The following TRIM44 variants were observed in gnomAD, a reference collection of about 807,000 sequenced individuals.
TRIM44 encodes the protein tripartite motif-containing protein 44.
A neutral mutation model predicts 37.4 loss-of-function variants in TRIM44; 13 were observed. The observed-to-expected ratio is 0.35, with a 90% CI of 0.23 to 0.55. TRIM44 has a LOEUF of 0.55. Ranked by LOEUF, TRIM44 falls within the 20% of genes least tolerant of loss-of-function variation. The probability of loss-of-function intolerance (pLI) is 0.89; values close to 1 mark genes in which losing one functional copy is unlikely to be tolerated. For synonymous variants in TRIM44, 175 were observed against 157.2 expected (o/e 1.11, Z -0.85); for missense variants, 426 against 437.2 (o/e 0.97, Z 0.23).
At chr11:35,705,618 C>A (rs1216492408) in intron 2 of TRIM44, among the ~76,000 whole-genome samples, 1 of 150,324 alleles carries the variant, frequency 6.7e-6, no homozygotes, top group Non-Finnish European at 1.5e-5. Flanking sequence ...TCACTCAAAA[C>A]TGCTCAACTA....
intron 4 of TRIM44, among the ~76,000 whole-genome samples, chr11:35,742,548 A>G (rs1287831298): frequency 3.8e-5 from 5 of 132,512 alleles, no homozygotes; most frequent in African/African-American, 1.2e-4. Flanking sequence ...TATATTAATT[A>G]TATTAATTGT....
chr11:35,678,410 G>A (rs1851486443), intron 1 of TRIM44, among the ~76,000 whole-genome samples: 1 of 152,164 alleles, frequency 6.6e-6, no homozygotes, highest in South Asian at 2.1e-4. Context: ...ATGACTTTGA[G>A]TCTGACAACT....
intron 4 of TRIM44, among the ~76,000 whole-genome samples, chr11:35,792,113 T>A (rs61881284): frequency 0.13 from 8,962 of 67,270 alleles, 919 homozygotes; most frequent in African/African-American, 0.38. Flanking sequence ...ACACACACAC[T>A]CTCTCTCATC....
chr11:35,747,485 C>T (rs1404307485), intron 4 of TRIM44, among the ~76,000 whole-genome samples: 1 of 152,196 alleles, frequency 6.6e-6, no homozygotes, highest in Non-Finnish European at 1.5e-5. Context: ...TTATACTGTA[C>T]TGCCTTTGTC....
chr11:35,720,787 C>T (rs1298479166), intron 2 of TRIM44, among the ~76,000 whole-genome samples: 3 of 151,670 alleles, frequency 2.0e-5, no homozygotes, highest in African/African-American at 7.3e-5. Context: ...TTTTCTGTAT[C>T]TATTGTGATT....
intron 1 of TRIM44, among the ~76,000 whole-genome samples, chr11:35,675,383 G>A (rs1782294092): frequency 1.3e-5 from 2 of 152,164 alleles, no homozygotes; most frequent in South Asian, 4.1e-4. Flanking sequence ...AACTTTGGGT[G>A]TAGGCAGTCT....
At chr11:35,676,405 C>A (rs1449438993) in intron 1 of TRIM44, among the ~76,000 whole-genome samples, 2 of 152,182 alleles carry the variant, frequency 1.3e-5, no homozygotes, top group African/African-American at 4.8e-5. Context: ...TTCCTTCTGC[C>A]TGCTCTAATC....
intron 1 of TRIM44, among the ~76,000 whole-genome samples, chr11:35,673,732 A>C (rs1317931746): frequency 6.6e-6 from 1 of 152,066 alleles, no homozygotes; most frequent in African/African-American, 2.4e-5. Context: ...GCTGTTAGGC[A>C]ATTGATTTTT....
At chr11:35,774,739 G>T (rs994174053) in intron 4 of TRIM44, among the ~76,000 whole-genome samples, 4 of 152,138 alleles carry the variant, frequency 2.6e-5, no homozygotes, top group African/African-American at 9.7e-5. Flanking sequence ...TTTCCCCATT[G>T]CTTGTTTTTG....
At chr11:35,779,223 G>A (rs972612683) in intron 4 of TRIM44, among the ~76,000 whole-genome samples, 5 of 152,188 alleles carry the variant, frequency 3.3e-5, no homozygotes, top group South Asian at 2.1e-4. Context: ...GCGAGGCTCT[G>A]TGGGCATGGG....
At chr11:35,777,806 G>T (rs1852992901) in intron 4 of TRIM44, among the ~76,000 whole-genome samples, 1 of 152,034 alleles carries the variant, frequency 6.6e-6, no homozygotes, top group Non-Finnish European at 1.5e-5. Flanking sequence ...TGGCTTGTAG[G>T]GTTTCTGCCC....
At chr11:35,742,546 T>A (rs536782140) in intron 4 of TRIM44, among the ~76,000 whole-genome samples, 8 of 129,836 alleles carry the variant, frequency 6.2e-5, no homozygotes, top group African/African-American at 1.6e-4. Context: ...ATTATATTAA[T>A]TATATTAATT....
At chr11:35,695,875 TGAA>T (rs1851690797) in intron 2 of TRIM44, among the ~76,000 whole-genome samples, 1 of 150,600 alleles carries the variant, frequency 6.6e-6, no homozygotes, top group African/African-American at 2.5e-5. Context: ...AAATATAATC[TGAA>T]GAAGATTAAA....
At chr11:35,675,183 A>G (rs1851446704) in intron 1 of TRIM44, among the ~76,000 whole-genome samples, 1 of 152,228 alleles carries the variant, frequency 6.6e-6, no homozygotes, top group African/African-American at 2.4e-5. Flanking sequence ...AACATGAAGT[A>G]TGTGATAGGA....
At chr11:35,802,782 C>T (rs1015175102) in intron 4 of TRIM44, among the ~76,000 whole-genome samples, 14 of 152,086 alleles carry the variant, frequency 9.2e-5, no homozygotes, top group African/African-American at 3.4e-4. Flanking sequence ...TGATACTCAG[C>T]CTTTCTAGTT....
At chr11:35,709,370 C>A (rs180989475) in intron 2 of TRIM44, among the ~76,000 whole-genome samples, 2 of 152,236 alleles carry the variant, frequency 1.3e-5, no homozygotes, top group Admixed American at 1.3e-4. Context: ...CCTTGATTAA[C>A]CTAGCCAATG....
At chr11:35,711,154 C>T (rs1851965953) in intron 2 of TRIM44, among the ~76,000 whole-genome samples, 1 of 152,102 alleles carries the variant, frequency 6.6e-6, no homozygotes, top group Admixed American at 6.5e-5. Context: ...TACTACAAAC[C>T]ACAAAATTGT....
intron 4 of TRIM44, among the ~76,000 whole-genome samples, chr11:35,776,456 C>G (rs902440354): frequency 1.3e-5 from 2 of 152,150 alleles, no homozygotes; most frequent in Non-Finnish European, 2.9e-5. Context: ...GTCTCTATCT[C>G]CTTCAGTTCT....
intron 2 of TRIM44, among the ~76,000 whole-genome samples, chr11:35,721,373 A>C (rs1852104538): frequency 6.6e-6 from 1 of 152,278 alleles, no homozygotes; most frequent in South Asian, 2.1e-4. Flanking sequence ...CACCATTCAC[A>C]GATAACCACT....
Sources: gnomAD v4.1 joint callset for allele counts (sites outside exome capture counted in the v4.1 genomes callset) on GRCh38, gnomAD v4.1.1 for gene constraint, MANE v1.5 for transcripts, NCBI Gene and HGNC (gene_info 2026-07-23, HGNC 2026-07-21) for gene names.